Variants in VMP1 observed in about 807,000 individuals in gnomAD.
The protein encoded by VMP1 is ectopic P-granules autophagy protein 3 homolog.
VMP1 carries 11 observed loss-of-function variants against 56.0 expected under a neutral mutation model. That is an observed-to-expected ratio of 0.20 (90% confidence interval 0.12 to 0.32). The LOEUF is 0.32. Among genes scored for constraint, VMP1 ranks in the 10% least tolerant of loss-of-function variants. VMP1 has a pLI of 1.00. For missense variants in VMP1, 296 were observed against 490.3 expected (o/e 0.60, Z 3.74); for synonymous variants, 149 against 165.0 (o/e 0.90, Z 0.74).
At chr17:59,809,338 A>C (rs1381484947) in intron 8 of VMP1, among the ~76,000 whole-genome samples, 6 of 78,824 alleles carry the variant, frequency 7.6e-5, no homozygotes, top group Non-Finnish European at 7.4e-5. Context: ...TTTTTGAGAC[A>C]AGAGTTTCAC....
At chr17:59,783,465 T>A (rs1427454908) in intron 7 of VMP1, among the ~76,000 whole-genome samples, 1 of 152,244 alleles carries the variant, frequency 6.6e-6, no homozygotes, top group Non-Finnish European at 1.5e-5. Flanking sequence ...TACACATGAA[T>A]GAATGTAGCT....
intron 9 of VMP1, among the ~76,000 whole-genome samples, chr17:59,817,023 CT>C: frequency 6.7e-6 from 1 of 149,332 alleles, no homozygotes; most frequent in South Asian, 2.1e-4. Flanking sequence ...AATCCCAGCA[CT>C]TTGGGAGGCT....
chr17:59,831,000 G>A (rs143903758), intron 10 of VMP1, among the ~76,000 whole-genome samples: 2 of 152,004 alleles, frequency 1.3e-5, no homozygotes, highest in African/African-American at 4.8e-5. Context: ...AATTTTCTGT[G>A]TGGGTGTAGA....
intron 7 of VMP1, among the ~76,000 whole-genome samples, chr17:59,802,840 G>A (rs2665400): frequency 0.25 from 38,320 of 152,186 alleles, 5,201 homozygotes; most frequent in East Asian, 0.44. Flanking sequence ...TCTGCCTGCC[G>A]TGTTCAAGCA....
chr17:59,777,431 T>C (rs2036657305), intron 7 of VMP1, among the ~76,000 whole-genome samples: 4 of 152,148 alleles, frequency 2.6e-5, no homozygotes, highest in Admixed American at 1.3e-4. Flanking sequence ...CCGATGCCCT[T>C]CTGAGTCCTC....
At chr17:59,814,252 C>T (rs1200894233) in intron 9 of VMP1, among the ~76,000 whole-genome samples, 1 of 152,192 alleles carries the variant, frequency 6.6e-6, no homozygotes, top group African/African-American at 2.4e-5. Context: ...GCTGGGATTA[C>T]AGGCATGATC....
chr17:59,834,407 G>A (rs752581245), intron 10 of VMP1, among the ~76,000 whole-genome samples: 2 of 152,088 alleles, frequency 1.3e-5, no homozygotes, highest in Non-Finnish European at 2.9e-5. Context: ...TGAGATTACA[G>A]GCATGTGCCA....
chr17:59,753,261 G>A (rs1276620102), intron 5 of VMP1, among the ~76,000 whole-genome samples: 2 of 151,582 alleles, frequency 1.3e-5, no homozygotes, highest in South Asian at 2.1e-4. Context: ...GACAGAATGA[G>A]ACCCTGTCTC....
intron 4 of VMP1, among the ~76,000 whole-genome samples, 181 bp from the exon 5 acceptor site, chr17:59,738,656 A>AT (rs1004648724): frequency 4.6e-5 from 7 of 152,082 alleles, no homozygotes; most frequent in Non-Finnish European, 8.8e-5. Context: ...AGTTAGATTA[A>AT]TTTTTTTGTC....
At chr17:59,839,649 T>C (rs1220868539) in intron 11 of VMP1, 119 bp from the exon 12 acceptor site, 46 of 1,331,548 alleles carry the variant, frequency 3.5e-5, no homozygotes, top group Non-Finnish European at 4.5e-5. Flanking sequence ...TGCTTACTTT[T>C]CATTTTTAAT....
chr17:59,723,756 A>T (rs1288812612), intron 1 of VMP1, among the ~76,000 whole-genome samples: 1 of 152,186 alleles, frequency 6.6e-6, no homozygotes, highest in Admixed American at 6.5e-5. Context: ...CCTGAGAAGG[A>T]GGAAGGAAAT....
At chr17:59,748,837 C>G (rs2035528820) in intron 5 of VMP1, among the ~76,000 whole-genome samples, 1 of 151,594 alleles carries the variant, frequency 6.6e-6, no homozygotes, top group South Asian at 2.1e-4. Flanking sequence ...CAATTTGGAC[C>G]AACTCTCCCA....
chr17:59,816,985 A>T (rs1386227737), intron 9 of VMP1, among the ~76,000 whole-genome samples: 3 of 142,318 alleles, frequency 2.1e-5, no homozygotes, highest in Non-Finnish European at 4.6e-5. Context: ...AAAAAAAAAA[A>T]GGGCCGGGCG....
At chr17:59,726,291 GT>G (rs541555827) in intron 1 of VMP1, among the ~76,000 whole-genome samples, 5 of 145,070 alleles carry the variant, frequency 3.4e-5, no homozygotes, top group African/African-American at 1.3e-4. Context: ...AGTTTTTTTT[GT>G]TTTTTTTTTT....
At chr17:59,714,711 G>A (rs1350367483) in intron 1 of VMP1, among the ~76,000 whole-genome samples, 1 of 152,146 alleles carries the variant, frequency 6.6e-6, no homozygotes, top group Non-Finnish European at 1.5e-5. Context: ...ACCCAGGCTA[G>A]ATTGTTAGAT....
intron 10 of VMP1, among the ~76,000 whole-genome samples, chr17:59,819,546 C>G (rs113157445): frequency 0.14 from 21,060 of 152,142 alleles, 1,633 homozygotes; most frequent in Middle Eastern, 0.17. Flanking sequence ...CTCCGCCTCC[C>G]AGGTTAAAGC....
intron 5 of VMP1, among the ~76,000 whole-genome samples, chr17:59,757,859 C>CTTTTTTTTT (rs66605258): frequency 1.2e-4 from 11 of 91,294 alleles, no homozygotes; most frequent in African/African-American, 3.3e-4. Flanking sequence ...TTATTTGCCA[C>CTTTTTTTTT]TTTTTTTTTT....
intron 6 of VMP1, among the ~76,000 whole-genome samples, chr17:59,772,357 C>G (rs893840092): frequency 6.6e-6 from 1 of 152,056 alleles, no homozygotes; most frequent in Non-Finnish European, 1.5e-5. Context: ...TGGTTCCACC[C>G]ATTGTGAATA....
chr17:59,708,633 C>T (rs192376838), intron 1 of VMP1, among the ~76,000 whole-genome samples: 46 of 152,300 alleles, frequency 3.0e-4, no homozygotes, highest in African/African-American at 1.1e-3. Context: ...TTTTTGTGGA[C>T]AGATTACATT....
Sources: allele counts gnomAD v4.1 joint callset (sites outside exome capture counted in the v4.1 genomes callset), GRCh38; gene constraint gnomAD v4.1.1; transcripts MANE v1.5; gene names NCBI Gene and HGNC (gene_info 2026-07-23, HGNC 2026-07-21).